Variants in SPEN observed in about 807,000 individuals in gnomAD.
SPEN encodes the protein spen family transcriptional repressor, also known as msx2-interacting protein.
Under a neutral mutation model 269.9 loss-of-function variants are expected in SPEN, and 18 were observed. That is an observed-to-expected ratio of 0.07 (90% CI 0.05 to 0.10). The LOEUF (loss-of-function observed/expected upper bound fraction) is 0.10. Among genes scored for constraint, SPEN ranks in the 10% least tolerant of loss-of-function variants. The pLI, the probability that SPEN is intolerant of heterozygous loss-of-function variation, is 1.00. For synonymous variants in SPEN, 1,726 were observed against 1,765.7 expected (o/e 0.98, Z 0.56); for missense variants, 3,822 against 4,631.2 (o/e 0.83, Z 5.07).
At position 15,937,003 on chromosome 1, in the gene SPEN, C is replaced by T. The variant is rs192027897; in HGVS notation, c.10027-160C>T. Among the ~76,000 whole-genome samples, 97 of 152,176 alleles carry T rather than the reference C, an allele frequency of 6.4e-4. No individual in the cohort carries two copies. The highest frequency in any genetic ancestry group is 2.2e-3 in the African/African-American group (91 of 41,514). On this transcript the variant is annotated intron_variant, in intron 11 of 14. Transcript: ENST00000375759. The surrounding 1 kb of genome is among the most constrained non-coding windows in gnomAD (Gnocchi z 5.7). ...GGGGATCTCTCCTTACCTGGAACCC[C>T]GAAAGCAGCTCCGTTGATTCAGGCT...
intron 3 of SPEN, among the ~76,000 whole-genome samples, chr1:15,879,342 A>T (rs1235213091): frequency 1.3e-5 from 2 of 152,076 alleles, no homozygotes; most frequent in African/African-American, 4.8e-5. Context: ...CTTTGATGGG[A>T]GTATAATGGA....
chr1:15,864,468 C>T (rs560108015), intron 1 of SPEN, among the ~76,000 whole-genome samples: 23 of 113,420 alleles, frequency 2.0e-4, no homozygotes, highest in African/African-American at 8.5e-4. Flanking sequence ...CTGTGCCGGC[C>T]GGTTTTTTTT....
At chr1:15,900,279 T>C (rs925610484) in intron 3 of SPEN, among the ~76,000 whole-genome samples, 4 of 152,212 alleles carry the variant, frequency 2.6e-5, no homozygotes, top group Non-Finnish European at 4.4e-5. Context: ...AAAAATCTAA[T>C]TGTGATATTA....
At position 15,928,889 on chromosome 1, in the gene SPEN, G is replaced by C; in HGVS notation, c.2649G>C (p.Val883=). The C allele has an allele frequency of 6.2e-7, 1 of 1,614,162 alleles. No individual in the cohort carries two copies. Among genetic ancestry groups the C allele is most frequent in the African/African-American group, 1.3e-5 (1 of 75,052 alleles). Residue 883 remains valine, a synonymous_variant, in exon 11 of 15, where the codon GTG becomes GTC. Transcript: ENST00000375759. This position sits in a 1 kb window ranked among gnomAD's most constrained non-coding sequence, Gnocchi z 5.7. ...TGCCTTGCGTGGTTTTGACTCGAGT[G>C]AAAGAGAAAGAGGGAAAGGTCATTG... The part of the protein sequence containing the change: ...ELMPCVVLTR[V]KEKEGKVIDH...
At chr1:15,901,434 C>T (rs1178817376) in intron 3 of SPEN, among the ~76,000 whole-genome samples, 1 of 150,556 alleles carries the variant, frequency 6.6e-6, no homozygotes, top group Non-Finnish European at 1.5e-5. Context: ...CTCAGAAGTT[C>T]GAGACCACCC....
At chr1:15,874,021 G>A in intron 2 of SPEN, 3 of 1,221,434 alleles carry the variant, frequency 2.5e-6, no homozygotes, top group Non-Finnish European at 3.1e-6. Flanking sequence ...GTGAACTATT[G>A]GCGAGCAACT....
At position 15,848,934 on chromosome 1, in the gene SPEN, T is replaced by G. The variant is rs954476813; in HGVS notation, c.83+784T>G. Among the ~76,000 whole-genome samples, 1 of 151,750 alleles carries G rather than the reference T, an allele frequency of 6.6e-6. No homozygotes were observed. Among genetic ancestry groups the G allele is most frequent in the South Asian group, 2.1e-4 (1 of 4,814 alleles). On this transcript the variant is annotated intron_variant, in intron 1 of 14. Coordinates refer to ENST00000375759, the MANE Select transcript of SPEN (RefSeq NM_015001.3). The surrounding 1 kb of genome is among the most constrained non-coding windows in gnomAD (Gnocchi z 5.1). ...ACCCTGGTGCCCCCCACCCCTGAAT[T>G]CCCGAATCAAACGGTAAAACATTCC... is the stretch of plus-strand genomic sequence containing the variant.
chr1:15,873,034 G>A lies in SPEN; in HGVS notation c.302G>A (p.Ser101Asn), dbSNP rs1185401016. The change falls in exon 2 of 15, where the codon AGT (serine) becomes AAT (asparagine). Residue 101 changes from serine to asparagine, a missense_variant. By Grantham distance (46) the Ser-to-Asn change is conservative (BLOSUM62 1). Around this residue, in one of 16 missense-constraint regions of SPEN, gnomAD observed 327 missense variants for 350.8 expected, o/e 0.93. Coordinates refer to ENST00000375759, the MANE Select transcript of SPEN (RefSeq NM_015001.3). ...LDDTVSIASR[S>N]REVSGFRGGG... ...GATACAGTTTCCATAGCATCTCGTA[G>A]TAGAGAGGTTTCTGGGTTCAGAGGA... 6 of 1,614,190 alleles carry A rather than the reference G, an allele frequency of 3.7e-6. No homozygotes were observed. Among genetic ancestry groups the A allele is most frequent in the Non-Finnish European group, 4.2e-6 (5 of 1,180,042 alleles).
In SPEN at chr1:15,919,540, T is replaced by A. The variant is rs375188144; in HGVS notation, c.1635+23T>A. On this transcript the variant is annotated intron_variant, in intron 8 of 14. Coordinates refer to ENST00000375759, the MANE Select transcript of SPEN (RefSeq NM_015001.3). ...AAGGTAGGCGGGAGGTTTTGGTATG[T>A]GGTTCAGACTTCTGACTCACTCGTC... 2.7e-6 allele frequency: 4 copies of A among 1,466,082 alleles called. No individual in the cohort carries two copies. In the African/African-American group the frequency reaches 5.7e-5, roughly 21 times the overall value. 90.8% of individuals were successfully genotyped at this position (1,466,082 alleles called of 1,614,324 possible). A position where few individuals can be genotyped will look rare whatever the true frequency, so the allele number is the denominator to read the frequency against.
intron 1 of SPEN, among the ~76,000 whole-genome samples, chr1:15,849,615 C>T (rs530918766): frequency 2.1e-5 from 3 of 139,926 alleles, no homozygotes; most frequent in South Asian, 2.3e-4. Context: ...AGAAACCAGG[C>T]GGGGGCGGGG....
At chr1:15,878,618 A>C (rs2070655784) in intron 3 of SPEN, among the ~76,000 whole-genome samples, 1 of 152,232 alleles carries the variant, frequency 6.6e-6, no homozygotes, top group South Asian at 2.1e-4. Context: ...TTTTCTGCAT[A>C]GAATTGTCTA....
rs1303065074 is a variant in SPEN, at chr1:15,874,040, C to T, written c.404+904C>T. ...ACTATTGGCGAGCAACTGTGCCTTC[C>T]TCATTCGTTGGAATTGTAGAGGATA... On this transcript the variant is annotated intron_variant, in intron 2 of 14. Coordinates refer to ENST00000375759, the MANE Select transcript of SPEN (RefSeq NM_015001.3). 8 of 1,251,132 alleles carry T rather than the reference C, an allele frequency of 6.4e-6. No homozygotes were observed. The Admixed American group carries it at 1.5e-4, about 24-fold the overall frequency. 77.5% of individuals were successfully genotyped at this position (1,251,132 alleles called of 1,614,324 possible). A position where few individuals can be genotyped will look rare whatever the true frequency, so the allele number is the denominator to read the frequency against.
chr1:15,936,041 C>T lies in SPEN; in HGVS notation c.9801C>T (p.Ala3267=). The T allele has an allele frequency of 6.4e-7, 1 of 1,566,254 alleles. No individual in the cohort carries two copies. Among genetic ancestry groups the T allele is most frequent in the Non-Finnish European group, 8.7e-7 (1 of 1,152,624 alleles). Residue 3267 remains alanine (A), a synonymous_variant, in exon 11 of 15, where the codon GCC becomes GCT. Coordinates refer to ENST00000375759, the MANE Select transcript of SPEN (RefSeq NM_015001.3). ...CTGCTCCTGCCCCTCATGGTGAGGC[C>T]CGTATCCTCACAGTTACCCCCAGTA... ...PAPAPAPHGE[A]RILTVTPSNQ...
Position 15,930,412 on chromosome 1 carries a change from A to T in SPEN, c.4172A>T (p.His1391Leu). 1 of 1,614,000 alleles carries T rather than the reference A, an allele frequency of 6.2e-7. No homozygotes were observed. The highest frequency in any genetic ancestry group is 8.5e-7 in the Non-Finnish European group (1 of 1,179,974). ...GACGAAGATGGTGAACACAAATCCCACTCACCCAGAGCCTCTGCATTATAT... is the reference window on the plus strand; with the variant it reads ...GACGAAGATGGTGAACACAAATCCCTCTCACCCAGAGCCTCTGCATTATAT... ...DSDEDGEHKS[H>L]SPRASALYES... Residue 1391 changes from histidine to leucine, a missense_variant, in exon 11 of 15, where the codon CAC (histidine) becomes CTC (leucine). Physicochemically the swap from His to Leu is moderately conservative, Grantham distance 99 (BLOSUM62 -3). Transcript: ENST00000375759. This position sits in a 1 kb window ranked among gnomAD's most constrained non-coding sequence, Gnocchi z 5.3.
chr1:15,849,525 C>A (rs2070311833), intron 1 of SPEN, among the ~76,000 whole-genome samples: 1 of 152,180 alleles, frequency 6.6e-6, no homozygotes, highest in Admixed American at 6.5e-5. Context: ...CCATTCATAA[C>A]CTGCTTGAGC....
At chr1:15,867,106 C>T (rs1301558859) in intron 1 of SPEN, among the ~76,000 whole-genome samples, 3 of 152,076 alleles carry the variant, frequency 2.0e-5, no homozygotes, top group Non-Finnish European at 4.4e-5. Context: ...GTTTCATCAC[C>T]CCAGAATGAA....
In SPEN at chr1:15,928,738, C is replaced by G. The variant is rs773493132; in HGVS notation, c.2498C>G (p.Ser833Cys). ...KRKGKVHSPS[S>C]QSSETDQENE... ...AAAGGAAAGGTTCACTCCCCTAGTT[C>G]TCAGTCTTCAGAAACGGACCAAGAA... Residue 833 changes from serine (S) to cysteine (C), a missense_variant, in exon 11 of 15, where the codon TCT becomes TGT. Physicochemically the swap from Ser to Cys is moderately radical, Grantham distance 112. Around this residue, in one of 16 missense-constraint regions of SPEN, gnomAD observed 572 missense variants for 582.6 expected, o/e 0.98. Transcript: ENST00000375759. The surrounding 1 kb of genome is among the most constrained non-coding windows in gnomAD (Gnocchi z 5.7). The G allele has an allele frequency of 1.2e-6, 2 of 1,613,966 alleles. No homozygotes were observed. The highest frequency in any genetic ancestry group is 2.2e-5 in the South Asian group (2 of 91,080).
Position 15,922,234 on chromosome 1 carries a change from T to A in SPEN, c.1750-15T>A, listed in dbSNP as rs2071126209. ...ATTTGAAACTTGCATCAAACACCTC[T>A]TTTTTTTTTTAAAGGTGGATTTTGC... On this transcript the variant is annotated splice_polypyrimidine_tract_variant and intron_variant, in intron 9 of 14. Coordinates refer to ENST00000375759, the MANE Select transcript of SPEN (RefSeq NM_015001.3). 2.0e-6 allele frequency: 2 copies of A among 983,028 alleles called. No individual in the cohort carries two copies. The highest frequency in any genetic ancestry group is 3.6e-5 in the African/African-American group (2 of 56,174). The allele number at this position is 983,028 out of a possible 1,614,324, so 60.9% of individuals were successfully genotyped here.
intron 3 of SPEN, among the ~76,000 whole-genome samples, chr1:15,882,910 TC>T (rs2070701109): frequency 6.6e-6 from 1 of 151,954 alleles, no homozygotes; most frequent in Non-Finnish European, 1.5e-5. Flanking sequence ...GGCTCTTGGT[TC>T]CCCCAGGGTC....
Sources: allele counts gnomAD v4.1 joint callset (sites outside exome capture counted in the v4.1 genomes callset), GRCh38; gene constraint gnomAD v4.1.1; regional missense constraint gnomAD v4.1.1; non-coding constraint Gnocchi (gnomAD v3.1); transcripts MANE v1.5; gene names NCBI Gene and HGNC (gene_info 2026-07-23, HGNC 2026-07-21).